LRP2: variants seen among roughly 807,000 people sequenced by gnomAD.
LRP2 encodes LDL receptor related protein 2, also known as low-density lipoprotein receptor-related protein 2.
Under a neutral mutation model 531.0 loss-of-function variants are expected in LRP2, and 172 were observed. The ratio of observed to expected loss-of-function variants is 0.32; its 90% CI spans 0.29 to 0.37. The LOEUF is 0.37. Ranked by LOEUF, LRP2 falls within the 10% of genes least tolerant of loss-of-function variation. The pLI, the probability that LRP2 is intolerant of heterozygous loss-of-function variation, is 1.00. For missense variants in LRP2, 5,167 were observed against 5,868.3 expected (o/e 0.88, Z 3.90); for synonymous variants, 1,992 against 2,027.6 (o/e 0.98, Z 0.47).
intron 67 of LRP2, among the ~76,000 whole-genome samples, chr2:169,152,569 A>T (rs1686183324): frequency 6.6e-6 from 1 of 152,024 alleles, no homozygotes; most frequent in African/African-American, 2.4e-5. Context: ...TGCTTTCCCA[A>T]TTTTTTTCAT....
chr2:169,217,486 C>T (rs567004012), intron 34 of LRP2, among the ~76,000 whole-genome samples: 44 of 152,252 alleles, frequency 2.9e-4, no homozygotes, highest in African/African-American at 1.0e-3. Flanking sequence ...AGTTCTTCTA[C>T]ACCTGGACAT....
At chr2:169,350,203 C>T (rs1685809987) in intron 1 of LRP2, among the ~76,000 whole-genome samples, 1 of 152,088 alleles carries the variant, frequency 6.6e-6, no homozygotes, top group South Asian at 2.1e-4. Context: ...ATGAGGAAGC[C>T]ATTTGCTGAG....
At chr2:169,209,894 G>GT (rs752268576) in intron 37 of LRP2, among the ~76,000 whole-genome samples, 1 of 152,142 alleles carries the variant, frequency 6.6e-6, no homozygotes, top group Non-Finnish European at 1.5e-5. Flanking sequence ...CGAAGTGAGT[G>GT]TGAAACATCT....
At position 169,191,877 on chromosome 2, in the gene LRP2, T is replaced by C; in HGVS notation, c.8987A>G (p.Asn2996Ser). The C allele has an allele frequency of 6.2e-7, 1 of 1,614,164 alleles. No individual in the cohort carries two copies. Among genetic ancestry groups the C allele is most frequent in the East Asian group, 2.2e-5 (1 of 44,876 alleles). The part of the protein sequence containing the change: ...QNCTRRTCSE[N>S]EFTCGYGLCI... ...CAGTCCGTAACCACAGGTGAATTCA[T>C]TTTCAGAGCAAGTTCTCCTGGTGCA... The change falls in exon 48 of 79, where the codon AAT (asparagine) becomes AGT (serine). Residue 2996 changes from asparagine (N) to serine (S), a missense_variant. Transcript: ENST00000649046.
At chr2:169,318,253 C>T (rs1034449796) in intron 3 of LRP2, among the ~76,000 whole-genome samples, 1 of 152,076 alleles carries the variant, frequency 6.6e-6, no homozygotes, top group Non-Finnish European at 1.5e-5. Context: ...TTCATCGCTA[C>T]TATTTTCTTT....
intron 34 of LRP2, among the ~76,000 whole-genome samples, chr2:169,219,841 C>G (rs1188459405): frequency 6.6e-6 from 1 of 152,094 alleles, no homozygotes; most frequent in Non-Finnish European, 1.5e-5. Context: ...TCCCTACTTG[C>G]TCCTTATCAC....
rs1685552328 is a variant in LRP2, at chr2:169,137,400, G to T, written c.13612C>A (p.Pro4538Thr). Reference sequence around the variant, plus strand: ...ACTGTATGGTTTCTCACCTGGATTGGCTGAACCACTTTGACAGCACTGTCT... The same window carrying T: ...ACTGTATGGTTTCTCACCTGGATTGTCTGAACCACTTTGACAGCACTGTCT... ...ARDSAVKVVQPIQVTVSENVD... is the reference protein window; with the variant it reads ...ARDSAVKVVQTIQVTVSENVD... Residue 4538 changes from proline to threonine, a missense_variant, in exon 76 of 79, where the codon CCA becomes ACA. Transcript: ENST00000649046. 6.2e-7 allele frequency: 1 copy of T among 1,611,396 alleles called. No individual in the cohort carries two copies. Among genetic ancestry groups the T allele is most frequent in the African/African-American group, 1.3e-5 (1 of 74,868 alleles).
At chr2:169,242,076 C>T (rs964354388) in intron 24 of LRP2, among the ~76,000 whole-genome samples, 6 of 152,194 alleles carry the variant, frequency 3.9e-5, no homozygotes, top group Non-Finnish European at 7.3e-5. Flanking sequence ...TTAGTAATTT[C>T]TAGATGTTGT....
chr2:169,259,750 A>C (rs201669813), intron 16 of LRP2, among the ~76,000 whole-genome samples: 29,102 of 143,020 alleles, frequency 0.2, 2,892 homozygotes, highest in East Asian at 0.32. Flanking sequence ...AACAACAAAA[A>C]AAAAAAAACG....
At position 169,242,989 on chromosome 2, in the gene LRP2, C is replaced by T. The variant is rs988659649; in HGVS notation, c.3634G>A (p.Asp1212Asn). Residue 1212 changes from aspartate (D) to asparagine (N), a missense_variant, in exon 24 of 79, where the codon GAT becomes AAT. Coordinates refer to ENST00000649046, the MANE Select transcript of LRP2 (RefSeq NM_004525.3). ...GVTNRCDGVF[D>N]CSDNSDEAGC... The stretch of plus-strand genomic sequence containing the variant: ...GCTTCATCCGAGTTGTCACTGCAAT[C>T]AAAAACACCATCACAACGATTTGTG... The T allele has an allele frequency of 6.2e-7, 1 of 1,613,778 alleles. No homozygotes were observed. Among genetic ancestry groups the T allele is most frequent in the South Asian group, 1.1e-5 (1 of 91,064 alleles).
intron 3 of LRP2, among the ~76,000 whole-genome samples, chr2:169,316,833 A>G (rs1205794970): frequency 1.3e-5 from 2 of 152,164 alleles, no homozygotes; most frequent in African/African-American, 4.8e-5. Context: ...GCTGAGTAGA[A>G]GAGGAAAATA....
intron 2 of LRP2, among the ~76,000 whole-genome samples, chr2:169,320,310 C>G (rs1684874702): frequency 6.6e-6 from 1 of 152,162 alleles, no homozygotes; most frequent in Non-Finnish European, 1.5e-5. Flanking sequence ...ATCACACTAA[C>G]CAATTCTGTG....
At position 169,321,528 on chromosome 2, in the gene LRP2, T is replaced by A. The variant is rs188697874; in HGVS notation, c.80-644A>T. ...TGGTTATCTCTGATTGATAACATCG[T>A]GAGTAACTTTTCATTTGCTTGACTA... On this transcript the variant is annotated intron_variant, in intron 1 of 78. Coordinates refer to ENST00000649046, the MANE Select transcript of LRP2 (RefSeq NM_004525.3). Among the ~76,000 whole-genome samples the A allele has an allele frequency of 1.1e-4, 16 of 152,138 alleles. 1 individual carries two copies. In the East Asian group the frequency reaches 3.1e-3, roughly 29 times the overall value.
intron 63 of LRP2, 57 bp from the exon 64 acceptor site, chr2:169,157,559 G>T: frequency 6.2e-7 from 1 of 1,600,414 alleles, no homozygotes; most frequent in South Asian, 1.1e-5. Flanking sequence ...ACAGTCAAGT[G>T]GTGTATCAAA....
chr2:169,180,025 A>G (rs1261196229), intron 52 of LRP2, among the ~76,000 whole-genome samples: 1 of 152,284 alleles, frequency 6.6e-6, no homozygotes, highest in East Asian at 1.9e-4. Context: ...ATTAGATTTT[A>G]TCAAAAAGTG....
At chr2:169,269,199 A>T (rs574648054) in intron 16 of LRP2, among the ~76,000 whole-genome samples, 2 of 152,302 alleles carry the variant, frequency 1.3e-5, no homozygotes, top group South Asian at 4.1e-4. Flanking sequence ...TATAGATTCA[A>T]TGCCATCCCC....
intron 4 of LRP2, among the ~76,000 whole-genome samples, chr2:169,295,112 A>G (rs1684103274): frequency 6.6e-6 from 1 of 152,234 alleles, no homozygotes; most frequent in African/African-American, 2.4e-5. Flanking sequence ...CATCCCAGGA[A>G]ACTAAAGTAC....
chr2:169,248,894 G>T (rs1268805901), intron 19 of LRP2, among the ~76,000 whole-genome samples: 1 of 104,810 alleles, frequency 9.5e-6, no homozygotes, highest in Admixed American at 1.0e-4. Flanking sequence ...GGAAAATCGG[G>T]TCACTCCCAC....
intron 51 of LRP2, 106 bp downstream of exon 51, chr2:169,182,060 AC>A (rs1687458789): frequency 6.9e-7 from 1 of 1,444,052 alleles, no homozygotes. Context: ...CAGAAGACAA[AC>A]CCCAGCAAGA....
Sources: gnomAD v4.1 joint callset for allele counts (sites outside exome capture counted in the v4.1 genomes callset) on GRCh38, gnomAD v4.1.1 for gene constraint, MANE v1.5 for transcripts, NCBI Gene and HGNC (gene_info 2026-07-23, HGNC 2026-07-21) for gene names.